Variants in PPP4R1 observed in about 807,000 individuals in gnomAD.
PPP4R1 encodes the protein protein phosphatase 4 regulatory subunit 1, also known as serine/threonine-protein phosphatase 4 regulatory subunit 1.
PPP4R1 carries 42 observed loss-of-function variants against 111.2 expected under a neutral mutation model. That is an observed-to-expected ratio of 0.38 (90% CI 0.29 to 0.49). The LOEUF is 0.49. Among genes scored for constraint, PPP4R1 ranks in the 20% least tolerant of loss-of-function variants. The pLI is 0.97. For synonymous variants in PPP4R1, 409 were observed against 405.5 expected, an observed-to-expected ratio of 1.01 and a Z score of -0.10; for missense variants, 1,012 against 1,161.6, an observed-to-expected ratio of 0.87 and a Z score of 1.87.
chr18:9,573,988 G>C (rs1261295522), intron 10 of PPP4R1, among the ~76,000 whole-genome samples: 14 of 152,050 alleles, frequency 9.2e-5, no homozygotes, highest in Admixed American at 9.2e-4. Context: ...CAAAAATGTC[G>C]AAAGTATAAA....
intron 9 of PPP4R1, 100 bp from the exon 10 acceptor site, chr18:9,577,291 G>C: frequency 7.9e-7 from 1 of 1,259,538 alleles, no homozygotes; most frequent in Non-Finnish European, 1.1e-6. Context: ...AAATGCCGAA[G>C]TATGTTTAGG....
rs765580353 is a variant in PPP4R1, at chr18:9,583,273, C to A, written c.762G>T (p.Leu254=). The change falls in exon 9 of 20, where the codon CTG becomes CTT. Residue 254 remains leucine (L), a splice_region_variant and synonymous_variant. Coordinates refer to ENST00000400556, the MANE Select transcript of PPP4R1 (RefSeq NM_001042388.3). ...VGQQATEEML[L]PRFFQLCSDN... ...CAGAACAAAGCTGGAAAAATCTGGGCAGCTATGTGAAAAGGAAAGAGTCTT... is the reference window on the plus strand; with the variant it reads ...CAGAACAAAGCTGGAAAAATCTGGGAAGCTATGTGAAAAGGAAAGAGTCTT... 9.6e-6 allele frequency: 15 copies of A among 1,557,414 alleles called. No individual in the cohort carries two copies. The Admixed American group carries it at 1.6e-4, about 17-fold the overall frequency.
At chr18:9,566,871 C>T (rs1228732731) in intron 11 of PPP4R1, among the ~76,000 whole-genome samples, 3 of 152,132 alleles carry the variant, frequency 2.0e-5, no homozygotes, top group African/African-American at 7.2e-5. Context: ...GAAAAATATT[C>T]CTTTCAAATT....
intron 16 of PPP4R1, among the ~76,000 whole-genome samples, chr18:9,552,673 A>C (rs1259875534): frequency 1.3e-5 from 2 of 152,234 alleles, no homozygotes; most frequent in African/African-American, 4.8e-5. Context: ...AAAAGAACTG[A>C]AAACAGATTT....
intron 10 of PPP4R1, among the ~76,000 whole-genome samples, chr18:9,572,150 T>C (rs1056372503): frequency 7.9e-5 from 12 of 152,168 alleles, no homozygotes; most frequent in African/African-American, 2.9e-4. Context: ...GAGTTAGCTA[T>C]CCACGTTGGG....
chr18:9,570,012 A>T, intron 11 of PPP4R1, 145 bp downstream of exon 11: 1 of 819,548 alleles, frequency 1.2e-6, no homozygotes, highest in Non-Finnish European at 1.7e-6. Context: ...AACCTCTCAA[A>T]GTGCTGGTAT....
chr18:9,569,151 C>T (rs1485490744), intron 11 of PPP4R1, among the ~76,000 whole-genome samples: 1 of 147,080 alleles, frequency 6.8e-6, no homozygotes, highest in East Asian at 2.0e-4. Flanking sequence ...TCGAGCACCA[C>T]TGAACTCCAG....
At chr18:9,565,352 G>T (rs924131936) in intron 11 of PPP4R1, among the ~76,000 whole-genome samples, 1 of 152,028 alleles carries the variant, frequency 6.6e-6, no homozygotes, top group African/African-American at 2.4e-5. Flanking sequence ...TATTAAAATT[G>T]GGCCAATCAA....
intron 9 of PPP4R1, among the ~76,000 whole-genome samples, chr18:9,580,459 C>T (rs2067009864): frequency 6.6e-6 from 1 of 151,900 alleles, no homozygotes; most frequent in Admixed American, 6.6e-5. Context: ...ACGCCATTCT[C>T]CTGCCTCAGC....
chr18:9,578,979 G>A (rs935058846), intron 9 of PPP4R1, among the ~76,000 whole-genome samples: 3 of 152,132 alleles, frequency 2.0e-5, no homozygotes, highest in Non-Finnish European at 4.4e-5. Flanking sequence ...TGTTAGATTA[G>A]AATGAAAAAA....
chr18:9,565,246 C>T (rs901495647), intron 11 of PPP4R1, among the ~76,000 whole-genome samples: 17 of 152,264 alleles, frequency 1.1e-4, no homozygotes, highest in South Asian at 2.1e-4. Flanking sequence ...CCATACAAGA[C>T]GGCAAACTTA....
chr18:9,559,560 A>C lies in PPP4R1; in HGVS notation c.1887T>G (p.Thr629=), dbSNP rs147434794. ...CAACCGTCTGTGCACGAGAAGGGTC[A>C]GTCATAGATAAATACTGATCTAACA... The part of the protein sequence containing the change: ...QALLDQYLSM[T]DPSRAQTVDT... The change falls in exon 14 of 20, where the codon ACT becomes ACG. Residue 629 remains threonine (T), a synonymous_variant. Transcript: ENST00000400556. 1.4e-5 allele frequency: 23 copies of C among 1,612,940 alleles called. No individual in the cohort carries two copies. Among genetic ancestry groups the C allele is most frequent in the Non-Finnish European group, 2.0e-5 (23 of 1,179,254 alleles).
intron 10 of PPP4R1, among the ~76,000 whole-genome samples, chr18:9,571,911 C>T (rs2066868398): frequency 6.6e-6 from 1 of 152,124 alleles, no homozygotes; most frequent in Admixed American, 6.6e-5. Flanking sequence ...TTTAGAAAGA[C>T]CATTCTGGAG....
intron 10 of PPP4R1, 42 bp downstream of exon 10, chr18:9,577,022 A>T: frequency 6.9e-7 from 1 of 1,445,690 alleles, no homozygotes; most frequent in East Asian, 2.3e-5. Flanking sequence ...GTAAAATTAG[A>T]AAACAAGGTT....
intron 5 of PPP4R1, 92 bp downstream of exon 5, chr18:9,588,618 TA>T: frequency 7.8e-7 from 1 of 1,281,354 alleles, no homozygotes; most frequent in Non-Finnish European, 1.1e-6. Flanking sequence ...TGAAAAACAG[TA>T]AAACATTCCA....
intron 4 of PPP4R1, 114 bp from the exon 5 acceptor site, chr18:9,588,967 A>ATGTTGTCTCAAGTC: frequency 7.9e-7 from 1 of 1,262,126 alleles, no homozygotes; most frequent in Non-Finnish European, 1.1e-6. Context: ...AATATAAAGG[A>ATGTTGTCTCAAGTC]CTTGAGACAA....
chr18:9,549,513 GGACA>G (rs2144958972), intron 18 of PPP4R1, among the ~76,000 whole-genome samples, 175 bp from the exon 19 acceptor site: 1 of 152,228 alleles, frequency 6.6e-6, no homozygotes, highest in Admixed American at 6.5e-5. Context: ...CTGCCCACAC[GGACA>G]GACACAGTTT....
intron 2 of PPP4R1, chr18:9,599,749 G>A (rs2067349581): frequency 6.6e-6 from 1 of 152,200 alleles, no homozygotes; most frequent in Non-Finnish European, 1.5e-5. Context: ...TATAAAGGCT[G>A]TAGAATTCTA....
intron 6 of PPP4R1, chr18:9,587,397 T>TC (rs1168256927): frequency 1.4e-5 from 2 of 143,600 alleles, no homozygotes; most frequent in Non-Finnish European, 3.0e-5. Context: ...TTTCTTTCTT[T>TC]TTTTTTTTTT....
Sources: allele counts gnomAD v4.1 joint callset (sites outside exome capture counted in the v4.1 genomes callset), GRCh38; gene constraint gnomAD v4.1.1; transcripts MANE v1.5; gene names NCBI Gene and HGNC (gene_info 2026-07-23, HGNC 2026-07-21).